Variants in EYS observed in about 807,000 individuals in gnomAD.
The protein encoded by EYS is EGF-like photoreceptor maintenance factor.
A neutral mutation model predicts 282.1 loss-of-function variants in EYS; 250 were observed. That is an observed-to-expected ratio of 0.89 (90% confidence interval 0.80 to 0.98). The LOEUF (loss-of-function observed/expected upper bound fraction) is 0.98. EYS is among the 50% of genes least tolerant of loss of function. The pLI, the probability that EYS is intolerant of heterozygous loss-of-function variation, is 0.00. For missense variants in EYS, 4,016 were observed against 3,709.0 expected (o/e 1.08, Z -2.15); for synonymous variants, 1,355 against 1,282.9 (o/e 1.06, Z -1.20).
intron 1 of EYS, among the ~76,000 whole-genome samples, chr6:65,648,832 T>C (rs1300128056): frequency 6.6e-6 from 1 of 151,884 alleles, no homozygotes; most frequent in East Asian, 1.9e-4. Flanking sequence ...TTTACACATG[T>C]AAGAAAGGGA....
intron 31 of EYS, among the ~76,000 whole-genome samples, chr6:64,227,059 T>C (rs566804898): frequency 1.3e-5 from 2 of 152,254 alleles, no homozygotes; most frequent in South Asian, 2.1e-4. Context: ...CATATCTTTA[T>C]ATCTAGATGT....
intron 22 of EYS, among the ~76,000 whole-genome samples, chr6:64,658,878 C>T (rs1358165938): frequency 2.0e-5 from 3 of 152,188 alleles, no homozygotes; most frequent in African/African-American, 4.8e-5. Context: ...CAGCTCTGCA[C>T]CAAGTGGACC....
At chr6:64,687,317 G>C (rs1364894550) in intron 22 of EYS, among the ~76,000 whole-genome samples, 1 of 152,044 alleles carries the variant, frequency 6.6e-6, no homozygotes, top group Non-Finnish European at 1.5e-5. Flanking sequence ...CAAGTAATAT[G>C]TTACAAAAAT....
chr6:65,495,252 G>A lies in EYS; in HGVS notation c.159C>T (p.Phe53=), dbSNP rs1766211185. 6.2e-7 allele frequency: 1 copy of A among 1,614,128 alleles called. No individual in the cohort carries two copies. The highest frequency in any genetic ancestry group is 1.1e-5 in the South Asian group (1 of 91,090). ...WTLTENICLD[F]YRDCWFLGVN... Reference sequence around the variant, plus strand: ...CACCCAAAAACCAGCAATCTCTGTAGAAGTCCAAGCAGATGTTTTCTGTTA... The same window carrying A: ...CACCCAAAAACCAGCAATCTCTGTAAAAGTCCAAGCAGATGTTTTCTGTTA... The change falls in exon 4 of 43, where the codon TTC becomes TTT. Residue 53 remains phenylalanine, a synonymous_variant. Coordinates refer to ENST00000503581, the MANE Select transcript of EYS (RefSeq NM_001142800.2).
intron 29 of EYS, among the ~76,000 whole-genome samples, chr6:64,351,202 T>C (rs939539278): frequency 6.6e-6 from 1 of 151,554 alleles, no homozygotes; most frequent in Non-Finnish European, 1.5e-5. Context: ...GGTATAACAA[T>C]CTACTCGAAT....
intron 12 of EYS, among the ~76,000 whole-genome samples, chr6:65,144,055 A>G (rs978627364): frequency 3.3e-5 from 5 of 152,238 alleles, no homozygotes; most frequent in African/African-American, 1.2e-4. Context: ...TAACTTCTGA[A>G]TAAGTAGGAA....
intron 29 of EYS, among the ~76,000 whole-genome samples, chr6:64,360,769 A>G (rs893660425): frequency 3.3e-5 from 5 of 151,848 alleles, no homozygotes; most frequent in African/African-American, 1.2e-4. Context: ...TAGAACACCA[A>G]TATTCCTGTT....
intron 2 of EYS, among the ~76,000 whole-genome samples, chr6:65,562,054 T>C (rs1769082001): frequency 6.6e-6 from 1 of 151,548 alleles, no homozygotes; most frequent in Non-Finnish European, 1.5e-5. Flanking sequence ...TTTTTGTATA[T>C]AATAATTACA....
intron 2 of EYS, among the ~76,000 whole-genome samples, chr6:65,583,800 G>A (rs1445965544): frequency 6.6e-6 from 1 of 151,858 alleles, no homozygotes; most frequent in African/African-American, 2.4e-5. Flanking sequence ...TATATTCACA[G>A]TTTACATGAG....
chr6:64,884,516 C>A (rs1418521436), intron 19 of EYS, among the ~76,000 whole-genome samples: 3 of 150,970 alleles, frequency 2.0e-5, no homozygotes, highest in Admixed American at 2.0e-4. Flanking sequence ...AATGGAACAA[C>A]CTAAAAATGA....
intron 26 of EYS, among the ~76,000 whole-genome samples, chr6:64,589,270 C>T (rs138382446): frequency 1.3e-5 from 2 of 151,870 alleles, no homozygotes; most frequent in African/African-American, 2.4e-5. Flanking sequence ...ATGACTTGTT[C>T]TTTCATGTTA....
chr6:64,646,830 T>C (rs1200370987), intron 22 of EYS, among the ~76,000 whole-genome samples: 2 of 151,692 alleles, frequency 1.3e-5, no homozygotes, highest in African/African-American at 2.4e-5. Context: ...AAAAGAAAAT[T>C]CTTCATAAAT....
In EYS at chr6:64,547,289, A is replaced by G. The variant is rs62415791; in HGVS notation, c.5644+42934T>C. On this transcript the variant is annotated intron_variant, in intron 26 of 42. Coordinates refer to ENST00000503581, the MANE Select transcript of EYS (RefSeq NM_001142800.2). ...TTTATTCTCTTATCTGGCCCCACCC[A>G]CATCCTGCTGATTGGTCCATTTTAC... Among the ~76,000 whole-genome samples, 398 of 152,230 alleles carry G rather than the reference A, an allele frequency of 2.6e-3. 3 individuals are homozygous for G. The highest frequency in any genetic ancestry group is 4.5e-3 in the Non-Finnish European group (306 of 68,002).
intron 12 of EYS, among the ~76,000 whole-genome samples, chr6:65,194,533 T>C (rs1765718328): frequency 6.6e-6 from 1 of 152,016 alleles, no homozygotes; most frequent in Non-Finnish European, 1.5e-5. Flanking sequence ...TTTTCCTCCA[T>C]TTATGCTGGA....
chr6:64,902,187 C>T lies in EYS; in HGVS notation c.2772G>A (p.Leu924=), dbSNP rs767103281. ...CICRPGFSGS[L]CEIEINECSS... ...AACATTCATTAATTTCAATTTCACA[C>T]AGAGATCCAGAAAACCCAGGTCTGC... is the stretch of plus-strand genomic sequence containing the variant. Residue 924 remains leucine (L), a synonymous_variant, in exon 18 of 43, where the codon CTG becomes CTA. Coordinates refer to ENST00000503581, the MANE Select transcript of EYS (RefSeq NM_001142800.2). The T allele has an allele frequency of 6.4e-7, 1 of 1,550,762 alleles. No homozygotes were observed. The highest frequency in any genetic ancestry group is 8.7e-7 in the Non-Finnish European group (1 of 1,146,448).
At chr6:64,299,514 G>A (rs1379420977) in intron 30 of EYS, among the ~76,000 whole-genome samples, 1 of 152,156 alleles carries the variant, frequency 6.6e-6, no homozygotes, top group Non-Finnish European at 1.5e-5. Context: ...TGATTGTGAC[G>A]GAACCCTTGA....
rs1194437098 is a variant in EYS at position 64,590,483 on chromosome 6, G to A, written c.5384C>T (p.Thr1795Ile). ...TGAAAGTGCTGGAGTTGCTGAAACT[G>A]TATAAAATGCAACATTGGTGGTGAC... ...SEVTTNVAFY[T>I]VSATPALSIQ... Residue 1795 changes from threonine to isoleucine, a missense_variant, in exon 26 of 43, where the codon ACA becomes ATA. Transcript: ENST00000503581. The A allele has an allele frequency of 5.8e-6, 9 of 1,551,434 alleles. No individual in the cohort carries two copies. The South Asian group carries it at 1.1e-4, about 18-fold the overall frequency.
chr6:63,735,709 G>A (rs1477959998), intron 41 of EYS, among the ~76,000 whole-genome samples: 4 of 152,088 alleles, frequency 2.6e-5, no homozygotes, highest in Non-Finnish European at 4.4e-5. Flanking sequence ...CCATAGGCAT[G>A]ATTCACGTTT....
intron 12 of EYS, among the ~76,000 whole-genome samples, chr6:65,285,719 A>C (rs1318806757): frequency 6.6e-6 from 1 of 152,038 alleles, no homozygotes; most frequent in African/African-American, 2.4e-5. Context: ...ATGATAGAAA[A>C]TGTCCTAAGT....
Sources: allele counts gnomAD v4.1 joint callset (sites outside exome capture counted in the v4.1 genomes callset), GRCh38; gene constraint gnomAD v4.1.1; transcripts MANE v1.5; gene names NCBI Gene and HGNC (gene_info 2026-07-23, HGNC 2026-07-21).